MAPK10: variants seen among roughly 807,000 people sequenced by gnomAD.
MAPK10 encodes mitogen-activated protein kinase 10, also known as JNK3 alpha protein kinase.
In MAPK10, 25 loss-of-function variants were observed where a neutral mutation model predicts 59.3. The ratio of observed to expected loss-of-function variants is 0.42; its 90% CI spans 0.31 to 0.59. MAPK10 has a LOEUF of 0.59. Among genes scored for constraint, MAPK10 ranks in the 20% least tolerant of loss-of-function variants. The probability of loss-of-function intolerance (pLI) is 0.15; values close to 1 mark genes in which losing one functional copy is unlikely to be tolerated. For synonymous variants in MAPK10, 190 were observed against 200.5 expected, an observed-to-expected ratio of 0.95 and a Z score of 0.44; for missense variants, 351 against 568.9, an observed-to-expected ratio of 0.62 and a Z score of 3.90.
chr4:86,209,306 C>G (rs575643075), intron 2 of MAPK10, among the ~76,000 whole-genome samples: 1 of 151,990 alleles, frequency 6.6e-6, no homozygotes, highest in African/African-American at 2.4e-5. Context: ...GATGTATTCA[C>G]GTATATAAAA....
At chr4:86,374,651 G>C (rs1404050620) in intron 1 of MAPK10, among the ~76,000 whole-genome samples, 1 of 152,202 alleles carries the variant, frequency 6.6e-6, no homozygotes, top group African/African-American at 2.4e-5. Flanking sequence ...GTGAACTGCT[G>C]AGAAACAGCA....
Position 86,013,531 on chromosome 4 carries a change from G to A in MAPK10, c.*3697C>T, listed in dbSNP as rs116244952. The stretch of plus-strand genomic sequence containing the variant: ...TTTCATATGTTAAGAGATTCAAATC[G>A]AAATAGATTTTGTATAATTTAGGTT... On this transcript the variant is annotated 3_prime_UTR_variant, in exon 14 of 14. Coordinates refer to ENST00000641462, the MANE Select transcript of MAPK10 (RefSeq NM_138982.4). The A allele has an allele frequency of 2.6e-4, 39 of 152,252 alleles. No homozygotes were observed. The highest frequency in any genetic ancestry group is 8.7e-4 in the African/African-American group (36 of 41,540). 9.4% of individuals were successfully genotyped at this position (152,252 alleles called of 1,614,324 possible). A position where few individuals can be genotyped will look rare whatever the true frequency, so the allele number is the denominator to read the frequency against.
chr4:86,383,135 A>C lies in MAPK10; in HGVS notation c.-121-28491T>G, dbSNP rs113036362. 1.0e-2 allele frequency among the ~76,000 whole-genome samples: 1,521 copies of C among 152,322 alleles called. 19 individuals carry two copies. Among genetic ancestry groups the C allele is most frequent in the African/African-American group, 0.035 (1,439 of 41,568 alleles). On this transcript the variant is annotated intron_variant, in intron 1 of 13. Transcript: ENST00000361569. Reference sequence around the variant, plus strand: ...AAAATAAATGTAATCTCAGGCAAACATTAGGCTTCCTTCCCATGAAGTCTT... The same window carrying C: ...AAAATAAATGTAATCTCAGGCAAACCTTAGGCTTCCTTCCCATGAAGTCTT...
At chr4:86,166,479 T>C (rs776047140) in intron 3 of MAPK10, among the ~76,000 whole-genome samples, 18 of 152,074 alleles carry the variant, frequency 1.2e-4, no homozygotes, top group Non-Finnish European at 2.5e-4. Flanking sequence ...ATCATTATTA[T>C]TGAGAAGTTA....
At chr4:86,589,915 C>A (rs1409909465) in intron 1 of MAPK10, among the ~76,000 whole-genome samples, 2 of 149,906 alleles carry the variant, frequency 1.3e-5, no homozygotes, top group Non-Finnish European at 3.0e-5. Flanking sequence ...ACCCGGCAGG[C>A]AGAGCTTGCA....
chr4:86,419,576 C>T (rs1746257059), intron 1 of MAPK10, among the ~76,000 whole-genome samples: 2 of 152,096 alleles, frequency 1.3e-5, no homozygotes, highest in African/African-American at 2.4e-5. Context: ...TAAGTTGCTT[C>T]ATCACTTGGT....
Position 86,448,849 on chromosome 4 carries a change from G to A in MAPK10, c.-122+4181C>T, listed in dbSNP as rs1428479037. 3.3e-5 allele frequency among the ~76,000 whole-genome samples: 5 copies of A among 152,174 alleles called. No homozygotes were observed. The South Asian group carries it at 6.2e-4, about 19-fold the overall frequency. ...AATGTAATATCAGTGGAAGCCCTGA[G>A]CTTGTTTTCCTGCAACTAGTCAGTC... On this transcript the variant is annotated intron_variant, in intron 1 of 13. Transcript: ENST00000361569.
chr4:86,569,048 AT>A (rs980152382), intron 1 of MAPK10, among the ~76,000 whole-genome samples: 29 of 152,174 alleles, frequency 1.9e-4, no homozygotes, highest in African/African-American at 6.3e-4. Flanking sequence ...CAAACAATGC[AT>A]TTGACAAAGG....
intron 1 of MAPK10, among the ~76,000 whole-genome samples, chr4:86,553,632 G>A (rs1249767111): frequency 6.6e-6 from 1 of 152,058 alleles, no homozygotes; most frequent in African/African-American, 2.4e-5. Context: ...AGGTATGCTG[G>A]GGGAACTTAA....
At position 86,014,448 on chromosome 4, in the gene MAPK10, CT is replaced by C. The variant is rs1742509631; in HGVS notation, c.*2779del. 1 of 151,946 alleles carries C rather than the reference CT, an allele frequency of 6.6e-6. No individual in the cohort carries two copies. The highest frequency in any genetic ancestry group is 1.5e-5 in the Non-Finnish European group (1 of 68,026). The allele number at this position is 151,946 out of a possible 1,614,324, so 9.4% of individuals were successfully genotyped here. A position where few individuals can be genotyped will look rare whatever the true frequency, so the allele number is the denominator to read the frequency against. On this transcript the variant is annotated 3_prime_UTR_variant, in exon 14 of 14. Coordinates refer to ENST00000641462, the MANE Select transcript of MAPK10 (RefSeq NM_138982.4). ...GAAAGCAGACCTAGTGGGCAAAGGA[CT>C]GGGGGGCTTTTACAGTGGTGATTCT...
intron 1 of MAPK10, among the ~76,000 whole-genome samples, chr4:86,511,830 G>C (rs1470812215): frequency 2.0e-5 from 3 of 148,516 alleles, no homozygotes; most frequent in African/African-American, 2.5e-5. Context: ...AGGAAGGAAA[G>C]AAGGAAGGAA....
chr4:86,294,536 A>G (rs953295435), intron 2 of MAPK10, among the ~76,000 whole-genome samples: 3 of 152,124 alleles, frequency 2.0e-5, no homozygotes, highest in African/African-American at 7.2e-5. Flanking sequence ...TGAAAAAGAA[A>G]AAAAAAAAAG....
chr4:86,088,340 G>A (rs1017884605), intron 9 of MAPK10, among the ~76,000 whole-genome samples: 7 of 151,968 alleles, frequency 4.6e-5, no homozygotes, highest in East Asian at 1.9e-4. Context: ...CACCGTGCCC[G>A]GCTAAATTTT....
upstream of MAPK10, chr4:86,360,062 C>T (rs926082232): frequency 1.0e-5 from 10 of 985,666 alleles, no homozygotes; most frequent in Middle Eastern, 5.2e-4. Flanking sequence ...GTGGAACCTA[C>T]CAGAGGAGAC....
chr4:86,335,966 T>TAGGG (rs528489942), intron 2 of MAPK10, among the ~76,000 whole-genome samples: 22 of 152,134 alleles, frequency 1.4e-4, no homozygotes, highest in Admixed American at 9.8e-4. Context: ...GATACTTGGG[T>TAGGG]AGGGACACAG....
intron 2 of MAPK10, among the ~76,000 whole-genome samples, chr4:86,239,943 A>G (rs116507768): frequency 0.03 from 4,531 of 152,124 alleles, 94 homozygotes; most frequent in South Asian, 0.041. Flanking sequence ...TTGTGATGTT[A>G]GGGTGTTGAT....
chr4:86,234,843 C>T (rs1010854139), intron 2 of MAPK10, among the ~76,000 whole-genome samples: 11 of 152,194 alleles, frequency 7.2e-5, no homozygotes, highest in East Asian at 3.9e-4. Flanking sequence ...AAGACCCTTT[C>T]GGGAAATACA....
At chr4:86,378,641 T>C (rs1297370678) in intron 1 of MAPK10, among the ~76,000 whole-genome samples, 1 of 152,238 alleles carries the variant, frequency 6.6e-6, no homozygotes, top group Non-Finnish European at 1.5e-5. Flanking sequence ...ATTTGGTGAA[T>C]GATTGAATGC....
At chr4:86,385,562 T>C (rs1741347700) in intron 1 of MAPK10, among the ~76,000 whole-genome samples, 1 of 152,214 alleles carries the variant, frequency 6.6e-6, no homozygotes, top group South Asian at 2.1e-4. Flanking sequence ...ATATCTTTAA[T>C]ATGAACTGAT....
Sources: allele counts gnomAD v4.1 joint callset (sites outside exome capture counted in the v4.1 genomes callset), GRCh38; gene constraint gnomAD v4.1.1; transcripts MANE v1.5; gene names NCBI Gene and HGNC (gene_info 2026-07-23, HGNC 2026-07-21).